Variants in ADAMTS20 observed in about 807,000 individuals in gnomAD.
The protein encoded by ADAMTS20 is A disintegrin and metalloproteinase with thrombospondin motifs 20.
ADAMTS20 carries 225 observed loss-of-function variants against 260.1 expected under a neutral mutation model. The observed-to-expected ratio is 0.87, with a 90% CI of 0.78 to 0.97. The LOEUF (loss-of-function observed/expected upper bound fraction) is 0.97. Ranked by LOEUF, ADAMTS20 falls within the 50% of genes least tolerant of loss-of-function variation. The pLI, the probability that ADAMTS20 is intolerant of heterozygous loss-of-function variation, is 0.00. For missense variants in ADAMTS20, 2,400 were observed against 2,337.7 expected (o/e 1.03, Z -0.55); for synonymous variants, 802 against 769.5 (o/e 1.04, Z -0.70).
chr12:43,491,049 G>C (rs986386562), intron 6 of ADAMTS20, among the ~76,000 whole-genome samples: 1 of 151,936 alleles, frequency 6.6e-6, no homozygotes, highest in African/African-American at 2.4e-5. Context: ...CTTTAGTTTT[G>C]AAAAGAGATT....
At chr12:43,414,727 C>G (rs2137277669) in intron 28 of ADAMTS20, among the ~76,000 whole-genome samples, 1 of 152,114 alleles carries the variant, frequency 6.6e-6, no homozygotes, top group Non-Finnish European at 1.5e-5. Context: ...TCTCATACAG[C>G]CACTTTAGAA....
chr12:43,353,049 C>T (rs1041306498), downstream of ADAMTS20, among the ~76,000 whole-genome samples: 1 of 152,084 alleles, frequency 6.6e-6, no homozygotes, highest in South Asian at 2.1e-4. Flanking sequence ...TGGCAAAAAT[C>T]TATTAGTAGA....
chr12:43,430,867 T>C (rs975301729), intron 22 of ADAMTS20, among the ~76,000 whole-genome samples: 24 of 152,128 alleles, frequency 1.6e-4, no homozygotes, highest in African/African-American at 5.6e-4. Flanking sequence ...CATATAAAGT[T>C]AAAGGGAAAA....
At chr12:43,478,262 A>G (rs1942389697) in intron 7 of ADAMTS20, among the ~76,000 whole-genome samples, 1 of 152,008 alleles carries the variant, frequency 6.6e-6, no homozygotes, top group South Asian at 2.1e-4. Context: ...AAAATGTAAA[A>G]TGTGAAGGAT....
At chr12:43,372,134 C>T (rs1282824639) in intron 36 of ADAMTS20, among the ~76,000 whole-genome samples, 1 of 152,154 alleles carries the variant, frequency 6.6e-6, no homozygotes, top group Non-Finnish European at 1.5e-5. Context: ...TGGAAATGTG[C>T]ATTTGGGACT....
At chr12:43,408,731 TTTAAG>T (rs1592053204) in intron 28 of ADAMTS20, among the ~76,000 whole-genome samples, 1 of 152,216 alleles carries the variant, frequency 6.6e-6, no homozygotes, top group African/African-American at 2.4e-5. Context: ...TTTCAATGAA[TTTAAG>T]TTAATTTCTA....
At chr12:43,507,261 G>A (rs1461816501) in intron 3 of ADAMTS20, among the ~76,000 whole-genome samples, 1 of 152,098 alleles carries the variant, frequency 6.6e-6, no homozygotes, top group Non-Finnish European at 1.5e-5. Flanking sequence ...ATAAAGCTGG[G>A]GTGGGGGAAG....
rs1410899520 is a variant in ADAMTS20, at chr12:43,405,229, C to CCAAAAAAAAAAAAAAAAA, written c.4285-5997_4285-5996insTTTTTTTTTTTTTTTTTG. 1.5e-4 allele frequency among the ~76,000 whole-genome samples: 8 copies of CCAAAAAAAAAAAAAAAAA among 52,780 alleles called. 2 individuals carry two copies. The highest frequency in any genetic ancestry group is 2.2e-4 in the Non-Finnish European group (7 of 31,168). The allele number at this position is 52,780 out of a possible 152,430, so 34.6% of individuals were successfully genotyped here. On this transcript the variant is annotated intron_variant, in intron 28 of 38. Transcript: ENST00000389420. The stretch of plus-strand genomic sequence containing the variant: ...GTAACAAAATGAGACCTCATCTCTA[C>CCAAAAAAAAAAAAAAAAA]AAAAAAAAAAAAAAAAAAAAAAAAA...
At chr12:43,539,848 T>C (rs1037109134) in intron 2 of ADAMTS20, among the ~76,000 whole-genome samples, 4 of 152,032 alleles carry the variant, frequency 2.6e-5, no homozygotes, top group African/African-American at 9.7e-5. Context: ...CATCACACTA[T>C]CTTCAAGCAA....
At chr12:43,405,727 G>A (rs925470620) in intron 28 of ADAMTS20, among the ~76,000 whole-genome samples, 1 of 151,916 alleles carries the variant, frequency 6.6e-6, no homozygotes, top group African/African-American at 2.4e-5. Context: ...ATTTCACTTT[G>A]GCTTTTGAAG....
chr12:43,424,572 A>T (rs553241111), intron 28 of ADAMTS20, among the ~76,000 whole-genome samples: 2 of 152,278 alleles, frequency 1.3e-5, no homozygotes, highest in South Asian at 4.1e-4. Context: ...GATAATGACA[A>T]AAAACAAGTT....
At chr12:43,447,643 C>T (rs1336197637) in intron 14 of ADAMTS20, among the ~76,000 whole-genome samples, 1 of 151,674 alleles carries the variant, frequency 6.6e-6, no homozygotes, top group Non-Finnish European at 1.5e-5. Flanking sequence ...CTGGCCAGAA[C>T]AATCAGGAAA....
chr12:43,369,413 G>A, intron 36 of ADAMTS20, 32 bp from the exon 37 acceptor site: 1 of 1,331,810 alleles, frequency 7.5e-7, no homozygotes, highest in Non-Finnish European at 1.0e-6. Flanking sequence ...TCTTTAGCAT[G>A]GAGACAATAA....
intron 28 of ADAMTS20, among the ~76,000 whole-genome samples, chr12:43,399,742 G>T (rs908639670): frequency 1.3e-5 from 2 of 152,050 alleles, no homozygotes; most frequent in African/African-American, 4.8e-5. Flanking sequence ...TTCAGTTCAG[G>T]TTGTTTTTGG....
chr12:43,377,704 A>G, intron 31 of ADAMTS20, 142 bp from the exon 32 acceptor site: 2 of 702,192 alleles, frequency 2.8e-6, no homozygotes, highest in Non-Finnish European at 4.4e-6. Flanking sequence ...ATGAGCAAAC[A>G]TAGGTTCAGA....
At chr12:43,548,732 T>A (rs577073996) in intron 2 of ADAMTS20, among the ~76,000 whole-genome samples, 1 of 152,266 alleles carries the variant, frequency 6.6e-6, no homozygotes, top group African/African-American at 2.4e-5. Flanking sequence ...AAAATGTAGA[T>A]CTTGATACCT....
intron 28 of ADAMTS20, among the ~76,000 whole-genome samples, chr12:43,408,920 CACTT>C (rs140380507): frequency 0.022 from 3,421 of 152,232 alleles, 58 homozygotes; most frequent in East Asian, 0.084. Context: ...ATAATAATAA[CACTT>C]ACATCTCAAG....
chr12:43,512,193 A>G (rs965418693), intron 3 of ADAMTS20, among the ~76,000 whole-genome samples: 1 of 150,330 alleles, frequency 6.7e-6, no homozygotes, highest in Non-Finnish European at 1.5e-5. Context: ...TAATTTTTAT[A>G]TGATGATAAT....
chr12:43,405,506 T>C (rs1940903323), intron 28 of ADAMTS20, among the ~76,000 whole-genome samples: 1 of 150,618 alleles, frequency 6.6e-6, no homozygotes, highest in African/African-American at 2.4e-5. Context: ...AAACATTTCA[T>C]ATGCTTTTTC....
Sources: gnomAD v4.1 joint callset for allele counts (sites outside exome capture counted in the v4.1 genomes callset) on GRCh38, gnomAD v4.1.1 for gene constraint, MANE v1.5 for transcripts, NCBI Gene and HGNC (gene_info 2026-07-23, HGNC 2026-07-21) for gene names.